The following LTBP1 variants were observed in gnomAD, a reference collection of about 807,000 sequenced individuals.
LTBP1 encodes the protein latent transforming growth factor beta binding protein 1, also known as latent-transforming growth factor beta-binding protein 1.
In LTBP1, 129 loss-of-function variants were observed where a neutral mutation model predicts 207.6. The ratio of observed to expected loss-of-function variants is 0.62; its 90% CI spans 0.54 to 0.72. LTBP1 has a LOEUF of 0.72. LTBP1 is among the 30% of genes least tolerant of loss of function. The pLI is 0.00. For synonymous variants in LTBP1, 963 were observed against 833.7 expected, an observed-to-expected ratio of 1.16 and a Z score of -2.67; for missense variants, 2,281 against 2,217.2, an observed-to-expected ratio of 1.03 and a Z score of -0.58.
intron 20 of LTBP1, among the ~76,000 whole-genome samples, chr2:33,295,253 C>T (rs929601252): frequency 4.6e-5 from 7 of 151,646 alleles, no homozygotes; most frequent in Admixed American, 1.3e-4. Context: ...CATATATAAA[C>T]GTATGTACAT....
intron 19 of LTBP1, among the ~76,000 whole-genome samples, chr2:33,289,233 T>C (rs570254047): frequency 1.3e-5 from 2 of 152,352 alleles, no homozygotes; most frequent in South Asian, 2.1e-4. Context: ...GCCTACCAAG[T>C]CTGACCTGAT....
intron 3 of LTBP1, among the ~76,000 whole-genome samples, chr2:33,083,255 G>A (rs968408490): frequency 2.6e-5 from 4 of 151,842 alleles, no homozygotes; most frequent in African/African-American, 4.8e-5. Flanking sequence ...GGTCATACCC[G>A]TCTCTCAAGA....
chr2:33,395,698 CTTTA>C (rs1326516564), intron 32 of LTBP1, among the ~76,000 whole-genome samples: 25 of 122,316 alleles, frequency 2.0e-4, no homozygotes, highest in Non-Finnish European at 1.6e-5. Context: ...ACAAGTAAGT[CTTTA>C]TTTCCTTGTT....
chr2:33,040,739 A>G (rs1423507950), intron 3 of LTBP1, among the ~76,000 whole-genome samples: 1 of 152,164 alleles, frequency 6.6e-6, no homozygotes, highest in Admixed American at 6.5e-5. Flanking sequence ...TGAACTATTT[A>G]CTGGACAGCA....
chr2:33,054,764 T>C (rs954876762), intron 3 of LTBP1, among the ~76,000 whole-genome samples: 3 of 152,088 alleles, frequency 2.0e-5, no homozygotes, highest in Middle Eastern at 3.2e-3. Flanking sequence ...CCCTCAGTAG[T>C]TAAATGTACC....
chr2:33,174,041 C>G (rs1284365430), intron 5 of LTBP1, among the ~76,000 whole-genome samples: 3 of 140,750 alleles, frequency 2.1e-5, no homozygotes, highest in South Asian at 4.5e-4. Flanking sequence ...AAACCCACAG[C>G]CAATATCATA....
At chr2:33,283,251 C>T (rs975774511) in intron 19 of LTBP1, among the ~76,000 whole-genome samples, 1 of 151,850 alleles carries the variant, frequency 6.6e-6, no homozygotes, top group Non-Finnish European at 1.5e-5. Flanking sequence ...TTAGAGATCC[C>T]TTGGTGGTCA....
chr2:33,076,954 C>T (rs1188277709), intron 3 of LTBP1, among the ~76,000 whole-genome samples: 3 of 152,148 alleles, frequency 2.0e-5, no homozygotes, highest in Admixed American at 2.0e-4. Flanking sequence ...TTTTATTTCT[C>T]ATATGTGTTT....
At chr2:33,090,748 G>A (rs925291872) in intron 3 of LTBP1, among the ~76,000 whole-genome samples, 20 of 152,256 alleles carry the variant, frequency 1.3e-4, no homozygotes, top group African/African-American at 4.3e-4. Flanking sequence ...AGCATACAGA[G>A]AGAATTCTGA....
At chr2:33,383,248 G>A (rs144944259) in intron 31 of LTBP1, among the ~76,000 whole-genome samples, 157 of 152,318 alleles carry the variant, frequency 1.0e-3, no homozygotes, top group African/African-American at 3.6e-3. Flanking sequence ...AGCTACTCGG[G>A]AGGCTGAGGC....
chr2:33,038,721 T>G (rs558203784), intron 3 of LTBP1, among the ~76,000 whole-genome samples: 2 of 152,374 alleles, frequency 1.3e-5, no homozygotes, highest in East Asian at 3.9e-4. Context: ...CCATAAAGTT[T>G]CCTGTGCTGC....
chr2:33,347,047 G>A (rs1427776864), intron 25 of LTBP1, among the ~76,000 whole-genome samples: 1 of 149,988 alleles, frequency 6.7e-6, no homozygotes, highest in Non-Finnish European at 1.5e-5. Context: ...GAACCCGGGA[G>A]GCAGAGCTTG....
chr2:33,077,585 A>G (rs1020544065), intron 3 of LTBP1, among the ~76,000 whole-genome samples: 6 of 152,202 alleles, frequency 3.9e-5, no homozygotes, highest in Admixed American at 6.5e-5. Flanking sequence ...GTCACAAGAC[A>G]GCACCAAGGG....
chr2:33,371,886 T>G (rs528879133), intron 31 of LTBP1, among the ~76,000 whole-genome samples: 37 of 152,272 alleles, frequency 2.4e-4, no homozygotes, highest in African/African-American at 8.9e-4. Context: ...CAGTTCTGAG[T>G]AGTGTGATGA....
At chr2:33,294,831 C>G (rs181648821) in intron 20 of LTBP1, among the ~76,000 whole-genome samples, 57 of 151,960 alleles carry the variant, frequency 3.8e-4, no homozygotes, top group Middle Eastern at 6.8e-3. Flanking sequence ...CCTGCCTCAG[C>G]CTCCCAAAGT....
At chr2:33,078,101 A>G (rs1250528294) in intron 3 of LTBP1, among the ~76,000 whole-genome samples, 2 of 151,250 alleles carry the variant, frequency 1.3e-5, no homozygotes, top group African/African-American at 4.8e-5. Context: ...TTTGGAGACA[A>G]TTTATTTGTC....
intron 3 of LTBP1, among the ~76,000 whole-genome samples, chr2:33,104,326 G>T (rs2079929014): frequency 6.6e-6 from 1 of 152,118 alleles, no homozygotes; most frequent in Admixed American, 6.6e-5. Context: ...CCAGCCTCTG[G>T]CCTGTTTCTC....
At chr2:33,157,992 C>T (rs1473281312) in intron 5 of LTBP1, among the ~76,000 whole-genome samples, 1 of 151,960 alleles carries the variant, frequency 6.6e-6, no homozygotes, top group African/African-American at 2.4e-5. Flanking sequence ...AAAAATTAGC[C>T]AGCCGTGGTG....
At chr2:33,254,051 G>C (rs1249521412) in intron 11 of LTBP1, among the ~76,000 whole-genome samples, 1 of 151,548 alleles carries the variant, frequency 6.6e-6, no homozygotes, top group Non-Finnish European at 1.5e-5. Context: ...CACCACGCCT[G>C]GCTAATTTTC....
Sources: allele counts gnomAD v4.1 joint callset (sites outside exome capture counted in the v4.1 genomes callset), GRCh38; gene constraint gnomAD v4.1.1; transcripts MANE v1.5; gene names NCBI Gene and HGNC (gene_info 2026-07-23, HGNC 2026-07-21).